The following KCNH1 variants were observed in gnomAD, a reference collection of about 807,000 sequenced individuals.
The protein encoded by KCNH1 is potassium voltage-gated channel subfamily H member 1.
In KCNH1, 27 loss-of-function variants were observed where a neutral mutation model predicts 69.2. The observed-to-expected ratio is 0.39, with a 90% CI of 0.29 to 0.54. The LOEUF (loss-of-function observed/expected upper bound fraction) is 0.54, where lower values mean the gene tolerates loss of function less well. Ranked by LOEUF, KCNH1 falls within the 20% of genes least tolerant of loss-of-function variation. The probability of loss-of-function intolerance (pLI) is 0.68; values close to 1 mark genes in which losing one functional copy is unlikely to be tolerated. For synonymous variants in KCNH1, 456 were observed against 487.7 expected (o/e 0.93, Z 0.86); for missense variants, 798 against 1,261.6 (o/e 0.63, Z 5.57).
intron 5 of KCNH1, among the ~76,000 whole-genome samples, chr1:211,024,431 G>A: frequency 6.6e-6 from 1 of 152,166 alleles, no homozygotes; most frequent in Non-Finnish European, 1.5e-5. Context: ...AAAGAAAGAA[G>A]TCCAATGTGG....
intron 1 of KCNH1, among the ~76,000 whole-genome samples, chr1:211,127,626 A>G (rs1311389300): frequency 1.3e-5 from 2 of 152,178 alleles, no homozygotes; most frequent in Non-Finnish European, 1.5e-5. Flanking sequence ...ATGTGCTCCT[A>G]TTAACATAAC....
At chr1:210,826,616 A>G (rs1394851536) in intron 7 of KCNH1, among the ~76,000 whole-genome samples, 1 of 152,244 alleles carries the variant, frequency 6.6e-6, no homozygotes. Flanking sequence ...AGCCATCAGA[A>G]AAAAGCTAGC....
Position 210,775,552 on chromosome 1 carries a change from G to A in KCNH1, c.1916-8C>T, listed in dbSNP as rs540342950. On this transcript the variant is annotated splice_region_variant and splice_polypyrimidine_tract_variant and intron_variant, in intron 9 of 10. Transcript: ENST00000271751. ...CAAACACGTCTCCTTTTCCTAAGGA[G>A]AGAAGGTTGTCATGAGGAAAGTGTT... 2.4e-5 allele frequency: 39 copies of A among 1,610,812 alleles called. 1 individual carries two copies. The South Asian group carries it at 4.0e-4, about 16-fold the overall frequency.
Position 210,691,599 on chromosome 1 carries a change from A to C in KCNH1, c.2113-7461T>G, listed in dbSNP as rs537135990. Among the ~76,000 whole-genome samples the C allele has an allele frequency of 1.5e-3, 229 of 152,300 alleles. 1 individual carries two copies. The highest frequency in any genetic ancestry group is 5.2e-3 in the African/African-American group (218 of 41,550). ...GACAAAGGACAGTTTCTCTCAGTAT[A>C]TGTTGATGACCTCCACTAGTGTCTT... On this transcript the variant is annotated intron_variant, in intron 10 of 10. Coordinates refer to ENST00000271751, the MANE Select transcript of KCNH1 (RefSeq NM_172362.3).
At chr1:211,075,979 C>T (rs547170315) in intron 5 of KCNH1, among the ~76,000 whole-genome samples, 9 of 152,346 alleles carry the variant, frequency 5.9e-5, no homozygotes, top group South Asian at 2.1e-4. Flanking sequence ...TTGCTTACTG[C>T]GAGCACAGCA....
chr1:210,855,074 G>A (rs568947898), intron 7 of KCNH1, among the ~76,000 whole-genome samples: 5 of 152,150 alleles, frequency 3.3e-5, no homozygotes, highest in African/African-American at 9.7e-5. Context: ...ATGAAGGAGG[G>A]TAATGGTATG....
intron 7 of KCNH1, among the ~76,000 whole-genome samples, chr1:210,857,469 G>A (rs575387607): frequency 2.6e-5 from 4 of 152,162 alleles, no homozygotes; most frequent in South Asian, 2.1e-4. Context: ...TGGGGGTGAG[G>A]GGGAACTGTC....
At chr1:210,908,582 T>TGAAA (rs1419100512) in intron 7 of KCNH1, among the ~76,000 whole-genome samples, 1 of 152,162 alleles carries the variant, frequency 6.6e-6, no homozygotes, top group Non-Finnish European at 1.5e-5. Context: ...AGGGCTGCTG[T>TGAAA]CAGTATGTTC....
At chr1:210,741,096 C>A (rs942423149) in intron 10 of KCNH1, among the ~76,000 whole-genome samples, 1 of 152,190 alleles carries the variant, frequency 6.6e-6, no homozygotes, top group African/African-American at 2.4e-5. Flanking sequence ...TGGTCCACTG[C>A]AGGCTATGAT....
chr1:210,847,718 C>T (rs899748832), intron 7 of KCNH1, among the ~76,000 whole-genome samples: 4 of 148,814 alleles, frequency 2.7e-5, no homozygotes, highest in African/African-American at 7.5e-5. Flanking sequence ...TACCCTAAAA[C>T]TTAAAGTATA....
chr1:210,860,708 T>TA lies in KCNH1; in HGVS notation c.1463-56543dup, dbSNP rs1395986285. ...TCTTTAGATTTTTCTTGATTGCTGA[T>TA]AAATACTTGAAGGACAATGGCAGCT... On this transcript the variant is annotated intron_variant, in intron 7 of 10. Transcript: ENST00000271751. 7.7e-6 allele frequency: 6 copies of TA among 777,160 alleles called. No individual in the cohort carries two copies. In the African/African-American group the frequency reaches 1.0e-4, roughly 13 times the overall value. The allele number at this position is 777,160 out of a possible 1,614,324, so 48.1% of individuals were successfully genotyped here. A position where few individuals can be genotyped will look rare whatever the true frequency, so the allele number is the denominator to read the frequency against.
At chr1:210,981,541 C>A (rs1227350589) in intron 6 of KCNH1, among the ~76,000 whole-genome samples, 1 of 152,028 alleles carries the variant, frequency 6.6e-6, no homozygotes, top group East Asian at 1.9e-4. Context: ...AAAATTTTTT[C>A]ATGTAAAAAT....
chr1:210,695,519 G>GTGTT (rs1408654619), intron 10 of KCNH1, among the ~76,000 whole-genome samples: 5 of 152,198 alleles, frequency 3.3e-5, no homozygotes, highest in Admixed American at 6.5e-5. Flanking sequence ...ATCTTTTTAT[G>GTGTT]TGTTTGAATT....
At chr1:211,110,366 C>T (rs1691435401) in intron 1 of KCNH1, among the ~76,000 whole-genome samples, 1 of 152,006 alleles carries the variant, frequency 6.6e-6, no homozygotes, top group Non-Finnish European at 1.5e-5. Context: ...AATTCAGAGA[C>T]TAGAAGTTCC....
chr1:210,763,840 A>G (rs1683568261), intron 10 of KCNH1, among the ~76,000 whole-genome samples: 1 of 152,060 alleles, frequency 6.6e-6, no homozygotes, highest in African/African-American at 2.4e-5. Flanking sequence ...TACCAATGTC[A>G]TTTTTTTCAC....
intron 7 of KCNH1, among the ~76,000 whole-genome samples, chr1:210,881,982 A>G (rs573008883): frequency 2.6e-5 from 4 of 152,332 alleles, no homozygotes; most frequent in African/African-American, 9.6e-5. Context: ...GACCAAACCC[A>G]TAGAAGGTAC....
intron 6 of KCNH1, among the ~76,000 whole-genome samples, chr1:210,924,770 T>C (rs567883031): frequency 4.1e-4 from 63 of 152,288 alleles, no homozygotes; most frequent in African/African-American, 1.5e-3. Flanking sequence ...CTGTATGTGA[T>C]GTGCAATTCC....
Position 211,018,950 on chromosome 1 carries a change from T to C in KCNH1, c.865A>G (p.Met289Val), listed in dbSNP as rs1689542740. ...EVISDPKLIR[M>V]NYLKTWFVID... ...ACAAACCACGTCTTCAGGTAGTTCA[T>C]GCGGATAAGTTTGGGGTCAGAAATC... The change falls in exon 6 of 11, where the codon ATG becomes GTG. Residue 289 changes from methionine to valine, a missense_variant. Physicochemically the swap from Met to Val is conservative, Grantham distance 21 (BLOSUM62 1). Around this residue, in one of 4 missense-constraint regions of KCNH1, gnomAD observed 266 missense variants for 457.2 expected, o/e 0.58. Coordinates refer to ENST00000271751, the MANE Select transcript of KCNH1 (RefSeq NM_172362.3). 1 of 1,614,072 alleles carries C rather than the reference T, an allele frequency of 6.2e-7. No homozygotes were observed. Among genetic ancestry groups the C allele is most frequent in the Non-Finnish European group, 8.5e-7 (1 of 1,179,984 alleles).
At chr1:210,722,279 A>G (rs928598654) in intron 10 of KCNH1, among the ~76,000 whole-genome samples, 2 of 152,190 alleles carry the variant, frequency 1.3e-5, no homozygotes, top group African/African-American at 4.8e-5. Context: ...ATTTCGTAAA[A>G]GGGCTGTTTT....
Sources: allele counts gnomAD v4.1 joint callset (sites outside exome capture counted in the v4.1 genomes callset), GRCh38; gene constraint gnomAD v4.1.1; regional missense constraint gnomAD v4.1.1; transcripts MANE v1.5; gene names NCBI Gene and HGNC (gene_info 2026-07-23, HGNC 2026-07-21).